The following ACER3 variants were observed in gnomAD, a reference collection of about 807,000 sequenced individuals.
The protein encoded by ACER3 is alkaline ceramidase 3.
Under a neutral mutation model 48.9 loss-of-function variants are expected in ACER3, and 16 were observed. The observed-to-expected ratio is 0.33, with a 90% CI of 0.22 to 0.50. The LOEUF (loss-of-function observed/expected upper bound fraction) is 0.50, where lower values mean the gene tolerates loss of function less well. ACER3 is among the 20% of genes least tolerant of loss of function. The pLI is 0.98. For missense variants in ACER3, 227 were observed against 326.0 expected, an observed-to-expected ratio of 0.70 and a Z score of 2.34; for synonymous variants, 109 against 107.8, an observed-to-expected ratio of 1.01 and a Z score of -0.07.
intron 1 of ACER3, among the ~76,000 whole-genome samples, chr11:76,912,688 GA>G (rs904267206): frequency 1.4e-5 from 2 of 144,062 alleles, no homozygotes; most frequent in African/African-American, 4.9e-5. Flanking sequence ...GCAGTCGTCA[GA>G]AAAAAAATTT....
intron 2 of ACER3, among the ~76,000 whole-genome samples, chr11:76,949,142 A>G (rs1947565665): frequency 6.6e-6 from 1 of 152,218 alleles, no homozygotes; most frequent in Admixed American, 6.5e-5. Flanking sequence ...GTTTGCCAAG[A>G]TATCTGAATC....
At chr11:76,897,782 T>A (rs1006214886) in intron 1 of ACER3, among the ~76,000 whole-genome samples, 1 of 152,214 alleles carries the variant, frequency 6.6e-6, no homozygotes, top group Admixed American at 6.5e-5. Context: ...GAATGAATAA[T>A]CATAGTTTAC....
intron 3 of ACER3, among the ~76,000 whole-genome samples, chr11:76,962,022 A>G (rs1226570878): frequency 6.7e-6 from 1 of 150,054 alleles, no homozygotes; most frequent in Non-Finnish European, 1.5e-5. Flanking sequence ...ACCCTGTCAA[A>G]TATCTTTATT....
chr11:76,957,776 C>G (rs1472559768), intron 2 of ACER3, among the ~76,000 whole-genome samples: 3 of 151,932 alleles, frequency 2.0e-5, no homozygotes, highest in Non-Finnish European at 4.4e-5. Context: ...TAATCTTTGA[C>G]AATTACTTAA....
intron 1 of ACER3, among the ~76,000 whole-genome samples, chr11:76,897,145 T>C (rs10899305): frequency 0.6 from 90,528 of 151,862 alleles, 29,329 homozygotes; most frequent in Non-Finnish European, 0.74. Flanking sequence ...TTTGTAGAGA[T>C]GGGGTTTCAC....
intron 4 of ACER3, among the ~76,000 whole-genome samples, chr11:76,981,407 C>T (rs1948580340): frequency 6.6e-6 from 1 of 152,192 alleles, no homozygotes; most frequent in African/African-American, 2.4e-5. Flanking sequence ...ATAAAATGCA[C>T]CCAGTTTAAG....
intron 1 of ACER3, among the ~76,000 whole-genome samples, chr11:76,897,663 T>C (rs1007581559): frequency 6.6e-6 from 1 of 152,224 alleles, no homozygotes; most frequent in African/African-American, 2.4e-5. Flanking sequence ...TTATTTTTGC[T>C]TGAATTTTAT....
At chr11:76,959,106 T>C (rs1947918291) in intron 3 of ACER3, 75 bp downstream of exon 3, 1 of 1,606,384 alleles carries the variant, frequency 6.2e-7, no homozygotes, top group South Asian at 1.1e-5. Flanking sequence ...AAAGAGCACA[T>C]AACTATGGCT....
chr11:76,870,935 G>A (rs187476952), intron 1 of ACER3, among the ~76,000 whole-genome samples: 39 of 152,226 alleles, frequency 2.6e-4, no homozygotes, highest in African/African-American at 8.9e-4. Context: ...AACATTTATG[G>A]GGTTTAATGT....
At chr11:76,947,096 C>T (rs1299427053) in intron 2 of ACER3, among the ~76,000 whole-genome samples, 2 of 152,190 alleles carry the variant, frequency 1.3e-5, no homozygotes, top group Non-Finnish European at 2.9e-5. Flanking sequence ...CTCTCCTAGA[C>T]AATCTGTTTG....
intron 1 of ACER3, among the ~76,000 whole-genome samples, chr11:76,907,157 A>G (rs112977795): frequency 3.3e-5 from 5 of 152,198 alleles, no homozygotes; most frequent in East Asian, 1.9e-4. Flanking sequence ...AGCTTCTCCT[A>G]TCACTTTAAA....
intron 1 of ACER3, among the ~76,000 whole-genome samples, chr11:76,920,682 G>A (rs1216601751): frequency 1.3e-5 from 2 of 149,782 alleles, no homozygotes; most frequent in Admixed American, 6.7e-5. Context: ...TGTCACCCAG[G>A]CTGCAGTGCA....
chr11:76,908,428 T>C (rs1254045306), intron 1 of ACER3, among the ~76,000 whole-genome samples: 1 of 148,688 alleles, frequency 6.7e-6, no homozygotes, highest in East Asian at 2.0e-4. Context: ...TGTGCAGAAA[T>C]CACAAGCATC....
intron 3 of ACER3, among the ~76,000 whole-genome samples, chr11:76,970,973 G>A (rs1948282704): frequency 6.6e-6 from 1 of 152,124 alleles, no homozygotes; most frequent in East Asian, 1.9e-4. Flanking sequence ...CATATAATGT[G>A]TGGCCTTTTG....
At chr11:76,964,011 G>A (rs966721472) in intron 3 of ACER3, among the ~76,000 whole-genome samples, 6 of 151,422 alleles carry the variant, frequency 4.0e-5, no homozygotes, top group African/African-American at 9.8e-5. Context: ...AAAGCAGGGC[G>A]AGGCATCGCC....
intron 7 of ACER3, among the ~76,000 whole-genome samples, chr11:77,007,826 G>A (rs554793477): frequency 1.3e-5 from 2 of 152,296 alleles, no homozygotes; most frequent in African/African-American, 4.8e-5. Context: ...GAGCATGGAA[G>A]TCTAGGCTCC....
At chr11:76,958,071 C>T (rs1947888570) in intron 2 of ACER3, among the ~76,000 whole-genome samples, 1 of 151,754 alleles carries the variant, frequency 6.6e-6, no homozygotes, top group Non-Finnish European at 1.5e-5. Flanking sequence ...GCTGGGATTA[C>T]AAGCCTGAGC....
intron 2 of ACER3, among the ~76,000 whole-genome samples, chr11:76,952,139 TACACACACACAC>T (rs71272233): frequency 1.4e-4 from 10 of 72,734 alleles, no homozygotes; most frequent in Non-Finnish European, 2.6e-4. Flanking sequence ...TATATATATA[TACACACACACAC>T]ACACACACAC....
chr11:77,018,091 C>A (rs1002419929), intron 9 of ACER3, among the ~76,000 whole-genome samples: 3 of 151,798 alleles, frequency 2.0e-5, no homozygotes, highest in Admixed American at 1.3e-4. Context: ...GGCAATGCGC[C>A]ACCCTGCCTG....
Sources: allele counts gnomAD v4.1 joint callset (sites outside exome capture counted in the v4.1 genomes callset), GRCh38; gene constraint gnomAD v4.1.1; transcripts MANE v1.5; gene names NCBI Gene and HGNC (gene_info 2026-07-23, HGNC 2026-07-21).